PCDHGA1: variants seen among roughly 807,000 people sequenced by gnomAD.
The protein encoded by PCDHGA1 is protocadherin gamma-A1.
Under a neutral mutation model 58.0 loss-of-function variants are expected in PCDHGA1, and 32 were observed. The ratio of observed to expected loss-of-function variants is 0.55; its 90% CI spans 0.42 to 0.74. PCDHGA1 has a LOEUF of 0.74. Among genes scored for constraint, PCDHGA1 ranks in the 30% least tolerant of loss-of-function variants. PCDHGA1 has a pLI of 0.00. For missense variants in PCDHGA1, 1,205 were observed against 1,182.3 expected (o/e 1.02, Z -0.28); for synonymous variants, 498 against 501.1 (o/e 0.99, Z 0.08).
rs776864431 is a variant in PCDHGA1 at position 141,365,544 on chromosome 5, TAAC to T, written c.2421+32443_2421+32445del. ...TCAGTTGATAATTACTATCACCTATTAACAACTAGGGACCTGGACAGAGAAGAG... is the reference window on the plus strand; with the variant it reads ...TCAGTTGATAATTACTATCACCTATTAACTAGGGACCTGGACAGAGAAGAG... On this transcript the variant is annotated intron_variant, in intron 1 of 3. Transcript: ENST00000517417. 1.9e-6 allele frequency: 3 copies of T among 1,613,800 alleles called. No individual in the cohort carries two copies. In the East Asian group the frequency reaches 6.7e-5, roughly 36 times the overall value.
At chr5:141,439,774 T>G (rs1435214431) in intron 1 of PCDHGA1, 2 of 152,364 alleles carry the variant, frequency 1.3e-5, no homozygotes, top group East Asian at 3.9e-4. Context: ...CCTTCTTGGC[T>G]GGAGATTCTA....
chr5:141,346,360 C>A lies in PCDHGA1; in HGVS notation c.2421+13255C>A, dbSNP rs370532251. The A allele has an allele frequency of 5.4e-5, 87 of 1,614,110 alleles. No individual in the cohort carries two copies. The highest frequency in any genetic ancestry group is 6.7e-5 in the Non-Finnish European group (79 of 1,180,044). On this transcript the variant is annotated intron_variant, in intron 1 of 3. Transcript: ENST00000517417. ...CTGATTTTCCCCCAGCCCAACTATG[C>A]GGACACGCTCATCAGCCAGGAGAGC...
chr5:141,374,657 C>T, intron 1 of PCDHGA1: 1 of 1,612,018 alleles, frequency 6.2e-7, no homozygotes, highest in Non-Finnish European at 8.5e-7. Context: ...GCCCAAGTAC[C>T]CGGAGCTGGT....
At chr5:141,336,595 A>G (rs1036277850) in intron 1 of PCDHGA1, among the ~76,000 whole-genome samples, 6 of 152,220 alleles carry the variant, frequency 3.9e-5, no homozygotes, top group Middle Eastern at 6.3e-3. Flanking sequence ...GCCACATACA[A>G]AAATTAATTC....
chr5:141,364,937 G>C (rs760754992), intron 1 of PCDHGA1: 16 of 1,613,830 alleles, frequency 9.9e-6, no homozygotes, highest in Middle Eastern at 1.6e-4. Context: ...CCTAGACCGC[G>C]AGAAAGAGAC....
rs1399250599 is a variant in PCDHGA1, at chr5:141,476,902, C to A, written c.2422-17905C>A. On this transcript the variant is annotated intron_variant, in intron 1 of 3. Coordinates refer to ENST00000517417, the MANE Select transcript of PCDHGA1 (RefSeq NM_018912.3). The surrounding 1 kb of genome is among the most constrained non-coding windows in gnomAD (Gnocchi z 7.6). ...TGGAGGATGCACCCTCCGGCACGCG[C>A]GTGGTACAAGTCCTTGCAACGGATC... 5 of 1,613,880 alleles carry A rather than the reference C, an allele frequency of 3.1e-6. No individual in the cohort carries two copies. Among genetic ancestry groups the A allele is most frequent in the South Asian group, 1.1e-5 (1 of 91,090 alleles).
At chr5:141,388,363 C>T (rs778705302) in intron 1 of PCDHGA1, 6 of 1,613,854 alleles carry the variant, frequency 3.7e-6, no homozygotes, top group South Asian at 3.3e-5. Flanking sequence ...GCCCATGATG[C>T]GGATATTGGT....
intron 2 of PCDHGA1, among the ~76,000 whole-genome samples, chr5:141,501,802 C>T (rs2099811151): frequency 1.3e-5 from 2 of 152,154 alleles, no homozygotes; most frequent in Non-Finnish European, 2.9e-5. Context: ...ATCTCTTACC[C>T]AGCTTCACAT....
At position 141,505,504 on chromosome 5, in the gene PCDHGA1, T is replaced by C. The variant is rs756583857; in HGVS notation, c.2569+23T>C. The C allele has an allele frequency of 9.3e-6, 15 of 1,614,020 alleles. No individual in the cohort carries two copies. The African/African-American group carries it at 1.2e-4, about 13-fold the overall frequency. ...GTGGTAAGTGGTGTCAGTGTGTGTA[T>C]GGAAGAGTGGGAGACCTGGGGTTCT... On this transcript the variant is annotated intron_variant, in intron 3 of 3. Transcript: ENST00000517417.
intron 1 of PCDHGA1, among the ~76,000 whole-genome samples, chr5:141,353,928 C>T (rs1759418004): frequency 6.6e-6 from 1 of 152,160 alleles, no homozygotes; most frequent in Non-Finnish European, 1.5e-5. Context: ...TGAGTCATTT[C>T]TACTGCTAAT....
intron 2 of PCDHGA1, among the ~76,000 whole-genome samples, chr5:141,496,492 C>A (rs2099769172): frequency 6.6e-6 from 1 of 152,186 alleles, no homozygotes; most frequent in Non-Finnish European, 1.5e-5. Context: ...CCAACCAAAC[C>A]CTTGTTGCCA....
At chr5:141,413,075 A>G (rs1013709122) in intron 1 of PCDHGA1, 4 of 1,246,610 alleles carry the variant, frequency 3.2e-6, no homozygotes, top group South Asian at 3.1e-5. Context: ...TAAAGTGCCC[A>G]GGCTACAGAG....
At chr5:141,355,510 A>G (rs773476205) in intron 1 of PCDHGA1, 1 of 1,614,082 alleles carries the variant, frequency 6.2e-7, no homozygotes, top group Non-Finnish European at 8.5e-7. Context: ...AAACTGTGTG[A>G]CAAACCTGGA....
At chr5:141,384,748 T>C in intron 1 of PCDHGA1, 1 of 1,613,966 alleles carries the variant, frequency 6.2e-7, no homozygotes, top group African/African-American at 1.3e-5. Flanking sequence ...GCCAGGACTC[T>C]TTGCGGTTGG....
chr5:141,486,608 G>A lies in PCDHGA1; in HGVS notation c.2422-8199G>A. On this transcript the variant is annotated intron_variant, in intron 1 of 3. Transcript: ENST00000517417. The surrounding 1 kb of genome is among the most constrained non-coding windows in gnomAD (Gnocchi z 5.0). ...AGGGGACCTGCTTTGCTCCCTTGCAGCCTCTGACCCAGACTCTGGCTTGAA... is the reference window on the plus strand; with the variant it reads ...AGGGGACCTGCTTTGCTCCCTTGCAACCTCTGACCCAGACTCTGGCTTGAA... 3 of 1,613,546 alleles carry A rather than the reference G, an allele frequency of 1.9e-6. No homozygotes were observed. The highest frequency in any genetic ancestry group is 2.5e-6 in the Non-Finnish European group (3 of 1,180,024).
intron 1 of PCDHGA1, chr5:141,351,819 A>G: frequency 6.2e-7 from 1 of 1,613,244 alleles, no homozygotes; most frequent in Non-Finnish European, 8.5e-7. Context: ...GACCACGAGC[A>G]GCTGCGCGCC....
At chr5:141,408,856 G>A (rs750037212) in intron 1 of PCDHGA1, 1 of 1,613,518 alleles carries the variant, frequency 6.2e-7, no homozygotes, top group Non-Finnish European at 8.5e-7. Flanking sequence ...TGGACGGAGG[G>A]GACCCACCAA....
At chr5:141,357,209 A>C in intron 1 of PCDHGA1, 1 of 1,613,552 alleles carries the variant, frequency 6.2e-7, no homozygotes, top group South Asian at 1.1e-5. Flanking sequence ...AGCATCCCAG[A>C]TGTCCTGGCT....
At chr5:141,375,460 C>G (rs184685234) in intron 1 of PCDHGA1, 288 of 1,614,022 alleles carry the variant, frequency 1.8e-4, no homozygotes, top group Non-Finnish European at 2.3e-4. Flanking sequence ...CCTACTCAGT[C>G]TATGTCCTTG....
Sources: allele counts gnomAD v4.1 joint callset (sites outside exome capture counted in the v4.1 genomes callset), GRCh38; gene constraint gnomAD v4.1.1; non-coding constraint Gnocchi (gnomAD v3.1); transcripts MANE v1.5; gene names NCBI Gene and HGNC (gene_info 2026-07-23, HGNC 2026-07-21).